Variants in NRG1 observed in about 807,000 individuals in gnomAD.
The protein encoded by NRG1 is pro-neuregulin-1, membrane-bound isoform.
A neutral mutation model predicts 63.8 loss-of-function variants in NRG1; 18 were observed. The ratio of observed to expected loss-of-function variants is 0.28; its 90% confidence interval spans 0.19 to 0.42. The LOEUF (loss-of-function observed/expected upper bound fraction) is 0.42, where lower values mean the gene tolerates loss of function less well. NRG1 is among the 10% of genes least tolerant of loss of function. NRG1 has a pLI of 1.00. For missense variants in NRG1, 762 were observed against 814.7 expected, an observed-to-expected ratio of 0.94 and a Z score of 0.79; for synonymous variants, 302 against 301.3, an observed-to-expected ratio of 1.00 and a Z score of -0.02.
chr8:32,606,717 C>T (rs1230120169), intron 3 of NRG1, among the ~76,000 whole-genome samples: 1 of 152,044 alleles, frequency 6.6e-6, no homozygotes, highest in African/African-American at 2.4e-5. Context: ...AATTTGTCAT[C>T]TGTTATATAA....
intron 1 of NRG1, among the ~76,000 whole-genome samples, chr8:32,466,392 G>A (rs936197688): frequency 1.4e-5 from 2 of 140,712 alleles, no homozygotes; most frequent in Non-Finnish European, 1.5e-5. Context: ...AAAAAATCCA[G>A]TGCCTGGATG....
chr8:31,719,021 G>A (rs376595646), intron 1 of NRG1, among the ~76,000 whole-genome samples: 1 of 152,254 alleles, frequency 6.6e-6, no homozygotes, highest in African/African-American at 2.4e-5. Flanking sequence ...ATGCATAATT[G>A]TCTTGAGAAA....
chr8:31,889,742 T>C lies in NRG1; in HGVS notation c.37+250311T>C, dbSNP rs551117539. On this transcript the variant is annotated intron_variant, in intron 1 of 10. Coordinates refer to the NRG1 transcript ENST00000519301. ...CTGCAAAGGGAACCAACAATCTGCA[T>C]GGGAGGGCATTGCCTCCAAGTGTGT... Among the ~76,000 whole-genome samples the C allele has an allele frequency of 2.6e-5, 4 of 152,328 alleles. No homozygotes were observed. The East Asian group carries it at 7.7e-4, about 29-fold the overall frequency.
At chr8:32,030,588 A>G (rs1586602695) in intron 1 of NRG1, 1 of 152,180 alleles carries the variant, frequency 6.6e-6, no homozygotes, top group Non-Finnish European at 1.5e-5. Context: ...CTATTAAAGA[A>G]TACTCCATAG....
intron 1 of NRG1, among the ~76,000 whole-genome samples, chr8:32,159,802 C>A (rs1227401351): frequency 6.6e-6 from 1 of 151,682 alleles, no homozygotes; most frequent in Admixed American, 6.6e-5. Flanking sequence ...AATGAATCAC[C>A]CTATATTATA....
intron 1 of NRG1, among the ~76,000 whole-genome samples, chr8:31,716,753 A>G (rs1269422646): frequency 1.3e-5 from 2 of 152,360 alleles, no homozygotes; most frequent in East Asian, 1.9e-4. Context: ...AATTTTTAAA[A>G]TGCATAATCT....
intron 1 of NRG1, among the ~76,000 whole-genome samples, chr8:31,745,648 C>G (rs994713454): frequency 6.6e-6 from 1 of 151,814 alleles, no homozygotes; most frequent in Non-Finnish European, 1.5e-5. Flanking sequence ...GGTTTACTAG[C>G]CAAGATTCTT....
intron 1 of NRG1, among the ~76,000 whole-genome samples, chr8:32,278,191 T>C (rs966274997): frequency 1.3e-5 from 2 of 152,182 alleles, no homozygotes; most frequent in Non-Finnish European, 2.9e-5. Context: ...TCTTTCCTCA[T>C]TGTAGTGATA....
At chr8:31,976,998 A>G (rs1284491640) in intron 1 of NRG1, among the ~76,000 whole-genome samples, 1 of 152,198 alleles carries the variant, frequency 6.6e-6, no homozygotes, top group African/African-American at 2.4e-5. Flanking sequence ...TAGTACTAAT[A>G]ATTATTCCAT....
At chr8:32,126,598 C>T (rs924115519) in intron 1 of NRG1, among the ~76,000 whole-genome samples, 8 of 151,856 alleles carry the variant, frequency 5.3e-5, no homozygotes, top group Non-Finnish European at 1.0e-4. Flanking sequence ...ATAGGTGAGA[C>T]TTGCCCTGGC....
At chr8:31,659,997 G>C (rs943385014) in intron 1 of NRG1, among the ~76,000 whole-genome samples, 1 of 152,110 alleles carries the variant, frequency 6.6e-6, no homozygotes, top group Non-Finnish European at 1.5e-5. Context: ...AGATGAAACT[G>C]TCTCAGAGGG....
chr8:32,626,707 A>T (rs544646706), intron 5 of NRG1, among the ~76,000 whole-genome samples: 1 of 151,686 alleles, frequency 6.6e-6, no homozygotes, highest in Admixed American at 6.6e-5. Context: ...TAGAGAAGCC[A>T]TTTGTGGTTA....
intron 1 of NRG1, among the ~76,000 whole-genome samples, chr8:31,970,203 A>G (rs1807047802): frequency 6.6e-6 from 1 of 152,146 alleles, no homozygotes; most frequent in African/African-American, 2.4e-5. Flanking sequence ...AAGGTTCTGA[A>G]GATACTAACT....
intron 1 of NRG1, among the ~76,000 whole-genome samples, chr8:31,714,331 A>T (rs1426001681): frequency 1.3e-5 from 2 of 150,742 alleles, no homozygotes; most frequent in Admixed American, 1.3e-4. Context: ...TTTTATTAAG[A>T]TTTTTTTTGT....
intron 1 of NRG1, among the ~76,000 whole-genome samples, chr8:32,107,592 T>C (rs1167030507): frequency 1.3e-5 from 2 of 152,218 alleles, no homozygotes; most frequent in Non-Finnish European, 2.9e-5. Context: ...CCCTTATTCA[T>C]AACACTGAAT....
chr8:31,998,084 T>A (rs1812309565), intron 1 of NRG1, among the ~76,000 whole-genome samples: 1 of 151,956 alleles, frequency 6.6e-6, no homozygotes, highest in South Asian at 2.1e-4. Flanking sequence ...TTTCTCAATA[T>A]CACTTATGGC....
chr8:32,327,168 T>C (rs1802119783), intron 1 of NRG1, among the ~76,000 whole-genome samples: 1 of 152,214 alleles, frequency 6.6e-6, no homozygotes, highest in Non-Finnish European at 1.5e-5. Context: ...GGTTCCTCCC[T>C]GGTTTCTGTT....
At chr8:31,981,552 A>G (rs1476310258) in intron 1 of NRG1, among the ~76,000 whole-genome samples, 2 of 152,098 alleles carry the variant, frequency 1.3e-5, no homozygotes, top group Non-Finnish European at 2.9e-5. Context: ...CTGATGATTT[A>G]GTGTCATAGG....
intron 1 of NRG1, among the ~76,000 whole-genome samples, chr8:32,506,955 A>G (rs1828611461): frequency 6.6e-6 from 1 of 152,200 alleles, no homozygotes; most frequent in African/African-American, 2.4e-5. Context: ...TTCTTTGATT[A>G]ATTACCCTCA....
Sources: gnomAD v4.1 joint callset for allele counts (sites outside exome capture counted in the v4.1 genomes callset) on GRCh38, gnomAD v4.1.1 for gene constraint, MANE v1.5 for transcripts, NCBI Gene and HGNC (gene_info 2026-07-23, HGNC 2026-07-21) for gene names.